The following PDXDC1 variants were observed in gnomAD, a reference collection of about 807,000 sequenced individuals.
PDXDC1 encodes the protein pyridoxal dependent decarboxylase domain containing 1, also known as pyridoxal-dependent decarboxylase domain-containing protein 1.
In PDXDC1, 42 loss-of-function variants were observed where a neutral mutation model predicts 100.1. The ratio of observed to expected loss-of-function variants is 0.42; its 90% CI spans 0.33 to 0.54. PDXDC1 has a LOEUF of 0.54. Among genes scored for constraint, PDXDC1 ranks in the 20% least tolerant of loss-of-function variants. PDXDC1 has a pLI of 0.10. For missense variants in PDXDC1, 636 were observed against 979.2 expected (o/e 0.65, Z 4.68); for synonymous variants, 260 against 371.7 (o/e 0.70, Z 3.46).
At chr16:15,041,301 GAACA>G (rs930587370), downstream of PDXDC1, among the ~76,000 whole-genome samples, 1 of 152,094 alleles carries the variant, frequency 6.6e-6, no homozygotes, top group Non-Finnish European at 1.5e-5. Flanking sequence ...GGTTTATACT[GAACA>G]AACTGGCAGC....
chr16:15,066,141 C>T (rs2044959976), intron 16 of PDXDC1, among the ~76,000 whole-genome samples: 1 of 152,156 alleles, frequency 6.6e-6, no homozygotes, highest in Admixed American at 6.5e-5. Context: ...TGATTTCTGT[C>T]CTGTTAGCCA....
intron 16 of PDXDC1, chr16:15,070,176 T>G: frequency 6.2e-7 from 1 of 1,610,106 alleles, no homozygotes; most frequent in Non-Finnish European, 8.5e-7. Context: ...CATCGCAGAA[T>G]GCCTTTGTTC....
At chr16:15,062,045 G>T in intron 16 of PDXDC1, 1 of 794,028 alleles carries the variant, frequency 1.3e-6, no homozygotes, top group Non-Finnish European at 2.0e-6. Context: ...CCAGTGTAGT[G>T]GCACACGCCT....
chr16:14,993,061 G>T (rs1971194495), intron 1 of PDXDC1, among the ~76,000 whole-genome samples: 1 of 152,122 alleles, frequency 6.6e-6, no homozygotes, highest in Non-Finnish European at 1.5e-5. Context: ...GAAACTCCTG[G>T]CCTCAAGTGA....
intron 16 of PDXDC1, chr16:15,065,277 G>C: frequency 6.2e-7 from 1 of 1,613,888 alleles, no homozygotes; most frequent in Non-Finnish European, 8.5e-7. Context: ...GTGCAGATCT[G>C]CACTGAGTCT....
intron 1 of PDXDC1, chr16:14,988,144 C>T: frequency 1.4e-6 from 2 of 1,473,556 alleles, no homozygotes; most frequent in Non-Finnish European, 1.9e-6. Flanking sequence ...ACTGGTTTCC[C>T]CCAACAAGGC....
chr16:14,989,931 C>T (rs531939558), intron 1 of PDXDC1: 4 of 1,485,884 alleles, frequency 2.7e-6, no homozygotes, highest in East Asian at 2.9e-5. Flanking sequence ...GCCGCGCTCC[C>T]GCAGGCCGCG....
At chr16:15,151,424 C>CAAAA in the PDXDC1 span, among the ~76,000 whole-genome samples, 17 of 14,434 alleles carry the variant, frequency 1.2e-3, 2 homozygotes, top group South Asian at 6.1e-3. Flanking sequence ...GACTCCGTCT[C>CAAAA]AAAAAAAAAA....
chr16:15,122,632 T>C (rs549401766), intron 16 of PDXDC1, among the ~76,000 whole-genome samples: 1 of 150,314 alleles, frequency 6.7e-6, no homozygotes, highest in South Asian at 2.1e-4. Context: ...ACAGCACCCA[T>C]CTACTCACAC....
In PDXDC1 at chr16:15,006,571, C is replaced by T; in HGVS notation, c.567C>T (p.Tyr189=). 2 of 1,568,214 alleles carry T rather than the reference C, an allele frequency of 1.3e-6. No individual in the cohort carries two copies. The highest frequency in any genetic ancestry group is 8.7e-7 in the Non-Finnish European group (1 of 1,149,198). The change falls in exon 6 of 23, where the codon TAC becomes TAT. Residue 189 remains tyrosine, a synonymous_variant. Transcript: ENST00000396410. ...SAAARPGLGQ[Y]LCNQLGLPFP... ...CTGCTAGACCTGGCCTGGGCCAATA[C>T]CTTTGTAATCAGGTAATGTGGTATC...
chr16:15,076,683 G>T (rs762303545), intron 16 of PDXDC1: 22 of 1,442,350 alleles, frequency 1.5e-5, no homozygotes, highest in East Asian at 6.8e-5. Context: ...AAGAATAAAA[G>T]GATTTAAAAA....
chr16:15,121,991 A>G (rs2047443979), intron 16 of PDXDC1: 3 of 261,616 alleles, frequency 1.1e-5, no homozygotes, highest in Non-Finnish European at 2.3e-5. Context: ...AAATACAAAA[A>G]TTAGCCAGGC....
intron 16 of PDXDC1, chr16:15,059,887 C>A (rs1024549524): frequency 5.9e-6 from 1 of 169,834 alleles, no homozygotes; most frequent in Admixed American, 6.4e-5. Flanking sequence ...ATCCTCACCC[C>A]GGCATGCAAT....
At chr16:15,039,024 C>T (rs139186436), downstream of PDXDC1, among the ~76,000 whole-genome samples, 54 of 152,286 alleles carry the variant, frequency 3.5e-4, no homozygotes, top group South Asian at 1.9e-3. Flanking sequence ...CAAACCCAGG[C>T]GCTTCTGACT....
intron 21 of PDXDC1, 149 bp from the exon 22 acceptor site, chr16:15,035,300 C>T (rs1213311206): frequency 1.2e-5 from 6 of 503,690 alleles, no homozygotes; most frequent in Non-Finnish European, 1.8e-5. Context: ...GCTCACGGCA[C>T]ATTCATAAGT....
chr16:15,125,781 A>T, intron 16 of PDXDC1: 1 of 1,479,742 alleles, frequency 6.8e-7, no homozygotes, highest in South Asian at 1.1e-5. Context: ...GCTGCCCGGC[A>T]GGTGTGGGGC....
intron 3 of PDXDC1, 106 bp from the exon 4 acceptor site, chr16:15,001,670 G>T (rs1419773964): frequency 8.2e-6 from 7 of 852,754 alleles, no homozygotes; most frequent in Non-Finnish European, 1.2e-5. Context: ...GCTTAAGAAA[G>T]AAAAAAAAAA....
At chr16:15,021,992 C>A (rs1466215586) in intron 12 of PDXDC1, among the ~76,000 whole-genome samples, 1 of 152,290 alleles carries the variant, frequency 6.6e-6, no homozygotes, top group African/African-American at 2.4e-5. Flanking sequence ...AATTAATTTT[C>A]TTTAAGAAAA....
At chr16:15,143,205 C>T (rs370447151), downstream of PDXDC1, among the ~76,000 whole-genome samples, 12 of 152,146 alleles carry the variant, frequency 7.9e-5, no homozygotes, top group East Asian at 2.1e-3. Context: ...CCAGCGGGCT[C>T]CTTAGCGGCT....
Sources: allele counts gnomAD v4.1 joint callset (sites outside exome capture counted in the v4.1 genomes callset), GRCh38; gene constraint gnomAD v4.1.1; transcripts MANE v1.5; gene names NCBI Gene and HGNC (gene_info 2026-07-23, HGNC 2026-07-21).